The following KLF4 variants were observed in gnomAD, a reference collection of about 807,000 sequenced individuals.
KLF4 encodes the protein Krueppel-like factor 4.
KLF4 carries 14 observed loss-of-function variants against 38.0 expected under a neutral mutation model. The ratio of observed to expected loss-of-function variants is 0.37; its 90% CI spans 0.24 to 0.58. The LOEUF is 0.58. KLF4 is among the 20% of genes least tolerant of loss of function. The probability of loss-of-function intolerance (pLI) is 0.76; values close to 1 mark genes in which losing one functional copy is unlikely to be tolerated. For missense variants in KLF4, 737 were observed against 670.1 expected, an observed-to-expected ratio of 1.10 and a Z score of -1.10; for synonymous variants, 398 against 302.5, an observed-to-expected ratio of 1.32 and a Z score of -3.28.
At position 107,489,285 on chromosome 9, in the gene KLF4, G is replaced by T. The variant is rs1338458798; in HGVS notation, c.-113C>A. 1 of 1,318,012 alleles carries T rather than the reference G, an allele frequency of 7.6e-7. No homozygotes were observed. Among genetic ancestry groups the T allele is most frequent in the Non-Finnish European group, 1.0e-6 (1 of 999,514 alleles). The allele number at this position is 1,318,012 out of a possible 1,614,324, so 81.6% of individuals were successfully genotyped here. ...AAACCCAAAACCCCAAATTGGCCGAGATCCTTCTTCTTTGGATTAAATATA... is the reference window on the plus strand; with the variant it reads ...AAACCCAAAACCCCAAATTGGCCGATATCCTTCTTCTTTGGATTAAATATA... On this transcript the variant is annotated 5_prime_UTR_variant, in exon 1 of 5. Transcript: ENST00000374672.
rs34651589 is a variant in KLF4, at chr9:107,487,905, C to T, written c.489G>A (p.Ala163=). ...GGAGGCCTCCGCCCGTGCCGCCCGGCGCCACGCCCGGGTCGTTCCCGGCCC... is the reference window on the plus strand; with the variant it reads ...GGAGGCCTCCGCCCGTGCCGCCCGGTGCCACGCCCGGGTCGTTCCCGGCCC... ...PIRAGNDPGV[A]PGGTGGGLLY... is the part of the protein sequence containing the mutation. Residue 163 remains alanine, a synonymous_variant, in exon 3 of 5, where the codon GCG becomes GCA. Transcript: ENST00000374672. This position sits in a 1 kb window ranked among gnomAD's most constrained non-coding sequence, Gnocchi z 6.1. The T allele has an allele frequency of 1.9e-6, 3 of 1,564,274 alleles. No individual in the cohort carries two copies. In the African/African-American group the frequency reaches 4.1e-5, roughly 21 times the overall value.
Position 107,487,270 on chromosome 9 carries a change from C to A in KLF4, c.1099+25G>T. 1 of 1,595,984 alleles carries A rather than the reference C, an allele frequency of 6.3e-7. No homozygotes were observed. Among genetic ancestry groups the A allele is most frequent in the East Asian group, 2.2e-5 (1 of 44,694 alleles). On this transcript the variant is annotated intron_variant, in intron 3 of 4. Transcript: ENST00000374672. This position sits in a 1 kb window ranked among gnomAD's most constrained non-coding sequence, Gnocchi z 6.1. ...CCAGCACACACAGGGCTCCCCAGCCCGAGCTACAAATCCCCGGGACTGACC... is the reference window on the plus strand; with the variant it reads ...CCAGCACACACAGGGCTCCCCAGCCAGAGCTACAAATCCCCGGGACTGACC...
At position 107,487,572 on chromosome 9, in the gene KLF4, G is replaced by T; in HGVS notation, c.822C>A (p.Cys274Ter). The T allele has an allele frequency of 6.3e-7, 1 of 1,579,816 alleles. No individual in the cohort carries two copies. The change falls in exon 3 of 5, where the codon TGC (cysteine) becomes TGA (stop). Residue 274 changes from cysteine to a stop codon, truncating the protein, a stop_gained. Coordinates refer to ENST00000374672, the MANE Select transcript of KLF4 (RefSeq NM_004235.6). LOFTEE classifies it high-confidence loss of function. The surrounding 1 kb of genome is among the most constrained non-coding windows in gnomAD (Gnocchi z 6.1). ...APYNGGPPRT[C>*]PKIKQEAVSS... The stretch of plus-strand genomic sequence containing the variant: ...AGACCGCCTCCTGCTTGATCTTGGG[G>T]CACGTGCGCGGCGGCCCGCCGTTGT...
chr9:107,487,656 C>A lies in KLF4; in HGVS notation c.738G>T (p.Ser246=). ...SAPGSEYGSP[S]VISVSKGSPD... is the part of the protein sequence containing the mutation. Reference sequence around the variant, plus strand: ...GGCTGCCTTTGCTGACGCTGATGACCGACGGGCTGCCGTACTCGCTGCCAG... The same window carrying A: ...GGCTGCCTTTGCTGACGCTGATGACAGACGGGCTGCCGTACTCGCTGCCAG... Residue 246 remains serine, a synonymous_variant, in exon 3 of 5, where the codon TCG becomes TCT. Transcript: ENST00000374672. The surrounding 1 kb of genome is among the most constrained non-coding windows in gnomAD (Gnocchi z 6.1). 5 of 1,590,866 alleles carry A rather than the reference C, an allele frequency of 3.1e-6. No homozygotes were observed. The highest frequency in any genetic ancestry group is 4.3e-6 in the Non-Finnish European group (5 of 1,167,032).
At position 107,489,150 on chromosome 9, in the gene KLF4, G is replaced by A. The variant is rs376777922; in HGVS notation, c.5+18C>T. 298 of 1,534,128 alleles carry A rather than the reference G, an allele frequency of 1.9e-4. No individual in the cohort carries two copies. The African/African-American group carries it at 3.8e-3, about 20-fold the overall frequency. On this transcript the variant is annotated intron_variant, in intron 1 of 4. Transcript: ENST00000374672. ...GTCCTCACCCCTCCCTGCTCCCAGC[G>A]CCGCGCGCCTCACCTACCTCATTAA... is the stretch of plus-strand genomic sequence containing the variant.
At chr9:107,486,185 A>G (rs920522638) in intron 4 of KLF4, among the ~76,000 whole-genome samples, 1 of 152,168 alleles carries the variant, frequency 6.6e-6, no homozygotes, top group African/African-American at 2.4e-5. Flanking sequence ...TGTTTCACCA[A>G]AAACACACAA....
rs922845959 is a variant in KLF4, at chr9:107,488,628, C to G, written c.126+302G>C. Reference sequence around the variant, plus strand: ...ACGCGCTAAACTCACTCTGGCCCAGCCAGTGTCTGGGGACGCGGCCACCTC... The same window carrying G: ...ACGCGCTAAACTCACTCTGGCCCAGGCAGTGTCTGGGGACGCGGCCACCTC... On this transcript the variant is annotated intron_variant, in intron 2 of 4. Coordinates refer to ENST00000374672, the MANE Select transcript of KLF4 (RefSeq NM_004235.6). The surrounding 1 kb of genome is among the most constrained non-coding windows in gnomAD (Gnocchi z 5.7). Among the ~76,000 whole-genome samples, 2 of 152,140 alleles carry G rather than the reference C, an allele frequency of 1.3e-5. No individual in the cohort carries two copies. Among genetic ancestry groups the G allele is most frequent in the Non-Finnish European group, 2.9e-5 (2 of 68,006 alleles).
rs1449318992 is a variant in KLF4, at chr9:107,485,560, G to C, written c.*191C>G. The C allele has an allele frequency of 3.7e-6, 2 of 544,058 alleles. No homozygotes were observed. Among genetic ancestry groups the C allele is most frequent in the East Asian group, 6.4e-5 (2 of 31,102 alleles). 33.7% of individuals were successfully genotyped at this position (544,058 alleles called of 1,614,324 possible). A position where few individuals can be genotyped will look rare whatever the true frequency, so the allele number is the denominator to read the frequency against. On this transcript the variant is annotated 3_prime_UTR_variant, in exon 5 of 5. Coordinates refer to ENST00000374672, the MANE Select transcript of KLF4 (RefSeq NM_004235.6). This position sits in a 1 kb window ranked among gnomAD's most constrained non-coding sequence, Gnocchi z 4.9. ...GAAGATCCAGTCACAGACCCCATCT[G>C]TTCTTTGATTTTTGTCTTTTGGATT...
Position 107,488,163 on chromosome 9 carries a change from G to T in KLF4, c.231C>A (p.Gly77=), listed in dbSNP as rs750807475. The change falls in exon 3 of 5, where the codon GGC becomes GGA. Residue 77 remains glycine, a synonymous_variant. Coordinates refer to ENST00000374672, the MANE Select transcript of KLF4 (RefSeq NM_004235.6). The surrounding 1 kb of genome is among the most constrained non-coding windows in gnomAD (Gnocchi z 5.7). ...TACCGCCGCAAGCCGCACCGGCTCC[G>T]CCGCTCTCCAGGTCTGTGGCCACGG... The part of the protein sequence containing the change: ...AATVATDLES[G]GAGAACGGSN... The T allele has an allele frequency of 6.2e-7, 1 of 1,612,590 alleles. No individual in the cohort carries two copies. Among genetic ancestry groups the T allele is most frequent in the East Asian group, 2.2e-5 (1 of 44,858 alleles).
At position 107,488,192 on chromosome 9, in the gene KLF4, C is replaced by T. The variant is rs781269132; in HGVS notation, c.202G>A (p.Ala68Thr). 1.9e-6 allele frequency: 3 copies of T among 1,612,184 alleles called. No homozygotes were observed. The highest frequency in any genetic ancestry group is 1.7e-5 in the Admixed American group (1 of 59,986). ...LPGRPYDLAA[A>T]TVATDLESGG... ...CTCTCCAGGTCTGTGGCCACGGTCG[C>T]CGCCGCCAGGTCATAGGGGCGGCCG... The change falls in exon 3 of 5, where the codon GCG (alanine) becomes ACG (threonine). Residue 68 changes from alanine (A) to threonine (T), a missense_variant. Coordinates refer to ENST00000374672, the MANE Select transcript of KLF4 (RefSeq NM_004235.6). This position sits in a 1 kb window ranked among gnomAD's most constrained non-coding sequence, Gnocchi z 5.7.
rs569569330 is a variant in KLF4 at position 107,488,846 on chromosome 9, C to T, written c.126+84G>A. On this transcript the variant is annotated intron_variant, in intron 2 of 4. Transcript: ENST00000374672. The surrounding 1 kb of genome is among the most constrained non-coding windows in gnomAD (Gnocchi z 5.7). Reference sequence around the variant, plus strand: ...CGCTCCTTACCCTCGTTCAGTGGCTCTTGGTGACCCCAAGGCTCCGCCCGC... The same window carrying T: ...CGCTCCTTACCCTCGTTCAGTGGCTTTTGGTGACCCCAAGGCTCCGCCCGC... The T allele has an allele frequency of 4.0e-6, 6 of 1,492,266 alleles. No individual in the cohort carries two copies. Among genetic ancestry groups the T allele is most frequent in the Non-Finnish European group, 5.4e-6 (6 of 1,111,394 alleles). 92.4% of individuals were successfully genotyped at this position (1,492,266 alleles called of 1,614,324 possible).
At position 107,489,009 on chromosome 9, in the gene KLF4, A is replaced by G. The variant is rs143360314; in HGVS notation, c.47T>C (p.Leu16Pro). The change falls in exon 2 of 5, where the codon CTG (leucine) becomes CCG (proline). Residue 16 changes from leucine to proline, a missense_variant. Leu to Pro is a moderately conservative substitution (Grantham distance 98). Transcript: ENST00000374672. ...GESDMAVSDA[L>P]LPSFSTFASG... ...CGCGAACGTGGAGAAAGATGGGAGC[A>G]GCGCGTCGCTGACAGCCATGTCAGA... 5.0e-5 allele frequency: 78 copies of G among 1,564,838 alleles called. No homozygotes were observed. Among genetic ancestry groups the G allele is most frequent in the Non-Finnish European group, 6.4e-5 (74 of 1,154,154 alleles).
rs1484670962 is a variant in KLF4 at position 107,487,362 on chromosome 9, C to T, written c.1032G>A (p.Pro344=). ...GCAGGAAGGATGGGTAATTGGGCCC[C>T]GGGTGGGGATGGAAGCCGGGAGGAA... is the stretch of plus-strand genomic sequence containing the variant. The part of the protein sequence containing the change: ...LPLPPGFHPH[P]GPNYPSFLPD... Residue 344 remains proline, a synonymous_variant, in exon 3 of 5, where the codon CCG becomes CCA. Transcript: ENST00000374672. This position sits in a 1 kb window ranked among gnomAD's most constrained non-coding sequence, Gnocchi z 6.1. The T allele has an allele frequency of 3.9e-6, 6 of 1,542,996 alleles. No homozygotes were observed. Among genetic ancestry groups the T allele is most frequent in the Non-Finnish European group, 5.2e-6 (6 of 1,145,784 alleles).
At chr9:107,486,078 T>C in intron 4 of KLF4, 152 bp from the exon 5 acceptor site, 6 of 670,536 alleles carry the variant, frequency 8.9e-6, no homozygotes, top group Non-Finnish European at 1.2e-5. Flanking sequence ...TGTATTGAAT[T>C]CCATATCATA....
chr9:107,485,941 G>GAA lies in KLF4; in HGVS notation c.1265-17_1265-16dup, dbSNP rs45511095. On this transcript the variant is annotated splice_polypyrimidine_tract_variant and intron_variant, in intron 4 of 4. Coordinates refer to ENST00000374672, the MANE Select transcript of KLF4 (RefSeq NM_004235.6). This position sits in a 1 kb window ranked among gnomAD's most constrained non-coding sequence, Gnocchi z 4.9. ...AGGTTTCTCACCTGTAAAGGTAAAA[G>GAA]AAAAAAAAAATTGACGCTATTGCTA... 1.2e-5 allele frequency: 19 copies of GAA among 1,526,492 alleles called. No individual in the cohort carries two copies. The African/African-American group carries it at 2.0e-4, about 16-fold the overall frequency. The allele number at this position is 1,526,492 out of a possible 1,614,324, so 94.6% of individuals were successfully genotyped here. A position where few individuals can be genotyped will look rare whatever the true frequency, so the allele number is the denominator to read the frequency against.
chr9:107,486,943 A>G, intron 4 of KLF4, 85 bp downstream of exon 4: 1 of 1,603,002 alleles, frequency 6.2e-7, no homozygotes, highest in South Asian at 1.1e-5. Context: ...TAACCTGGGA[A>G]GTCAAGGAGG....
Position 107,488,949 on chromosome 9 carries a change from T to A in KLF4, c.107A>T (p.Gln36Leu). 4 of 1,559,496 alleles carry A rather than the reference T, an allele frequency of 2.6e-6. No individual in the cohort carries two copies. The highest frequency in any genetic ancestry group is 3.5e-6 in the Non-Finnish European group (4 of 1,151,330). Residue 36 changes from glutamine to leucine, a missense_variant, in exon 2 of 5, where the codon CAA (glutamine) becomes CTA (leucine). Gln to Leu is a moderately radical substitution (Grantham distance 113). Coordinates refer to ENST00000374672, the MANE Select transcript of KLF4 (RefSeq NM_004235.6). This position sits in a 1 kb window ranked among gnomAD's most constrained non-coding sequence, Gnocchi z 5.7. ...GPAGREKTLR[Q>L]AGAPNNRWRE... ...ACTCACGTTATTCGGGGCACCTGCT[T>A]GACGCAGTGTCTTCTCCCTTCCCGC...
intron 4 of KLF4, 36 bp downstream of exon 4, chr9:107,486,992 G>A (rs757939114): frequency 5.0e-6 from 8 of 1,614,022 alleles, no homozygotes; most frequent in South Asian, 4.4e-5. Context: ...GGGGCTGGAA[G>A]CTAACCCCCC....
Position 107,488,362 on chromosome 9 carries a change from CCA to C in KLF4, c.127-97_127-96del, listed in dbSNP as rs1829126826. On this transcript the variant is annotated intron_variant, in intron 2 of 4. Coordinates refer to ENST00000374672, the MANE Select transcript of KLF4 (RefSeq NM_004235.6). This position sits in a 1 kb window ranked among gnomAD's most constrained non-coding sequence, Gnocchi z 5.7. ...GGCGGGCCACGCGCGACTGCACCGC[CCA>C]GACATGGGGACTGGTCAGGCAGGAA... 2 of 1,451,090 alleles carry C rather than the reference CCA, an allele frequency of 1.4e-6. No individual in the cohort carries two copies. The highest frequency in any genetic ancestry group is 1.8e-6 in the Non-Finnish European group (2 of 1,106,976). 89.9% of individuals were successfully genotyped at this position (1,451,090 alleles called of 1,614,324 possible).
Sources: gnomAD v4.1 joint callset for allele counts (sites outside exome capture counted in the v4.1 genomes callset) on GRCh38, gnomAD v4.1.1 for gene constraint, Gnocchi (gnomAD v3.1) non-coding constraint, MANE v1.5 for transcripts, NCBI Gene and HGNC (gene_info 2026-07-23, HGNC 2026-07-21) for gene names.